Variants in OTOG observed in about 807,000 individuals in gnomAD.
OTOG encodes otogelin.
OTOG carries 296 observed loss-of-function variants against 313.8 expected under a neutral mutation model. That is an observed-to-expected ratio of 0.94 (90% CI 0.86 to 1.04). The LOEUF (loss-of-function observed/expected upper bound fraction) is 1.04. Among genes scored for constraint, OTOG ranks in the 50% least tolerant of loss-of-function variants. OTOG has a pLI of 0.00. For missense variants in OTOG, 3,948 were observed against 3,840.1 expected, an observed-to-expected ratio of 1.03 and a Z score of -0.74; for synonymous variants, 1,533 against 1,554.9, an observed-to-expected ratio of 0.99 and a Z score of 0.33.
At chr11:17,592,730 T>C (rs1357065920) in intron 25 of OTOG, among the ~76,000 whole-genome samples, 1 of 152,226 alleles carries the variant, frequency 6.6e-6, no homozygotes, top group Non-Finnish European at 1.5e-5. Context: ...TCCCCATCGA[T>C]GGACATTTAG....
intron 24 of OTOG, among the ~76,000 whole-genome samples, chr11:17,586,828 G>T (rs906277032): frequency 5.9e-5 from 9 of 152,304 alleles, no homozygotes; most frequent in African/African-American, 1.4e-4. Context: ...ATGCATATTT[G>T]TAACCATGGC....
chr11:17,556,319 C>T (rs574920656), intron 7 of OTOG, among the ~76,000 whole-genome samples: 2 of 152,306 alleles, frequency 1.3e-5, no homozygotes, highest in East Asian at 3.9e-4. Context: ...GCTGGGCCAA[C>T]AGGGATGCTT....
chr11:17,606,998 C>G (rs529788080), intron 33 of OTOG, among the ~76,000 whole-genome samples: 1 of 152,344 alleles, frequency 6.6e-6, no homozygotes, highest in South Asian at 2.1e-4. Context: ...GTGGCATGAG[C>G]CCAGGCTTTG....
chr11:17,607,515 T>C (rs1037429136), intron 33 of OTOG, among the ~76,000 whole-genome samples: 2 of 152,238 alleles, frequency 1.3e-5, no homozygotes, highest in Non-Finnish European at 2.9e-5. Flanking sequence ...GGTTTCCTCT[T>C]CTCTAAAGTG....
At chr11:17,552,152 G>A in intron 4 of OTOG, 77 bp downstream of exon 4, 2 of 1,418,820 alleles carry the variant, frequency 1.4e-6, no homozygotes, top group Non-Finnish European at 9.7e-7. Context: ...GCAGAGGGCA[G>A]GTGGGGCTTC....
Position 17,610,019 on chromosome 11 carries a change from A to T in OTOG, c.4719A>T (p.Ala1573=). 3 of 1,547,238 alleles carry T rather than the reference A, an allele frequency of 1.9e-6. No individual in the cohort carries two copies. The highest frequency in any genetic ancestry group is 2.6e-6 in the Non-Finnish European group (3 of 1,144,648). Residue 1573 remains alanine, a synonymous_variant, in exon 36 of 56, where the codon GCA becomes GCT. Transcript: ENST00000399397. ...CAGAGTCCTCATCCCTCCCTGTTGC[A>T]CTGCAGACACCCACACCTGGCATGG... The part of the protein sequence containing the change: ...HTPESSSLPV[A]LQTPTPGMVS...
chr11:17,618,440 AGACATAATT>A (rs1428909828), intron 39 of OTOG, among the ~76,000 whole-genome samples: 2 of 152,204 alleles, frequency 1.3e-5, no homozygotes, highest in African/African-American at 4.8e-5. Context: ...TGTGTTCATA[AGACATAATT>A]TGTCTAACTT....
intron 20 of OTOG, 95 bp downstream of exon 20, chr11:17,575,007 T>A: frequency 1.6e-6 from 2 of 1,239,530 alleles, no homozygotes; most frequent in East Asian, 2.7e-5. Flanking sequence ...GGGCCTCTTG[T>A]GTCCCTCCTT....
At chr11:17,578,339 C>T in intron 22 of OTOG, 34 bp from the exon 23 acceptor site, 3 of 1,454,346 alleles carry the variant, frequency 2.1e-6, no homozygotes, top group Non-Finnish European at 2.7e-6. Flanking sequence ...TACTGAGGCC[C>T]CAGGGCCTCC....
chr11:17,634,006 T>C, intron 43 of OTOG, 63 bp from the exon 44 acceptor site: 1 of 1,503,230 alleles, frequency 6.7e-7, no homozygotes, highest in South Asian at 1.3e-5. Flanking sequence ...AGGGAGAGTC[T>C]AGCCTGGGAA....
Position 17,593,205 on chromosome 11 carries a change from G to A in OTOG, c.3019G>A (p.Val1007Ile). 1.3e-6 allele frequency: 2 copies of A among 1,550,248 alleles called. No individual in the cohort carries two copies. Among genetic ancestry groups the A allele is most frequent in the Non-Finnish European group, 1.7e-6 (2 of 1,146,676 alleles). Residue 1007 changes from valine (V) to isoleucine (I), a missense_variant, in exon 26 of 56, where the codon GTC (valine) becomes ATC (isoleucine). By Grantham distance (29) the Val-to-Ile change is conservative (BLOSUM62 3). Coordinates refer to ENST00000399397, the MANE Select transcript of OTOG (RefSeq NM_001292063.2). Reference sequence around the variant, plus strand: ...ATTCTCTCCTCAGAGCACATCAGATGTCAGCTTCTCTGTGATTGTAGAGAA... The same window carrying A: ...ATTCTCTCCTCAGAGCACATCAGATATCAGCTTCTCTGTGATTGTAGAGAA... ...KVHLVKSTSD[V>I]SFSVIVENVN...
Position 17,610,529 on chromosome 11 carries a change from C to T in OTOG, c.5229C>T (p.His1743=), listed in dbSNP as rs1264178913. Residue 1743 remains histidine (H), a synonymous_variant, in exon 36 of 56, where the codon CAC becomes CAT. Transcript: ENST00000399397. Reference sequence around the variant, plus strand: ...GCTCGCCTGCCTCCCCACAGCCACACCCACTCCCCTCTGCACCACCCCGCC... The same window carrying T: ...GCTCGCCTGCCTCCCCACAGCCACATCCACTCCCCTCTGCACCACCCCGCC... The part of the protein sequence containing the change: ...PMGSPASPQP[H]PLPSAPPRPA... 6.4e-7 allele frequency: 1 copy of T among 1,550,674 alleles called. No individual in the cohort carries two copies. Among genetic ancestry groups the T allele is most frequent in the Admixed American group, 2.0e-5 (1 of 51,008 alleles).
intron 39 of OTOG, among the ~76,000 whole-genome samples, chr11:17,615,178 T>C (rs968158501): frequency 1.3e-5 from 2 of 152,262 alleles, no homozygotes; most frequent in Admixed American, 1.3e-4. Context: ...GCAAAGTATC[T>C]GTTCAAGTCT....
chr11:17,613,195 T>TTTCTCTTCTTTC, intron 38 of OTOG, among the ~76,000 whole-genome samples: 1 of 65,328 alleles, frequency 1.5e-5, no homozygotes, highest in East Asian at 4.9e-4. Context: ...TCTTTCTTTC[T>TTTCTCTTCTTTC]TTTCTTTCTT....
At chr11:17,620,559 T>A (rs576357382) in intron 39 of OTOG, among the ~76,000 whole-genome samples, 2 of 152,354 alleles carry the variant, frequency 1.3e-5, no homozygotes, top group South Asian at 4.1e-4. Flanking sequence ...AGTTCCACTA[T>A]CTTTTATCTT....
intron 15 of OTOG, among the ~76,000 whole-genome samples, chr11:17,562,977 G>A (rs1224289497): frequency 6.6e-6 from 1 of 152,210 alleles, no homozygotes; most frequent in Non-Finnish European, 1.5e-5. Context: ...GCAGCTGTGA[G>A]AACATGGAGG....
At chr11:17,600,458 G>C (rs1203513156) in intron 31 of OTOG, among the ~76,000 whole-genome samples, 1 of 152,194 alleles carries the variant, frequency 6.6e-6, no homozygotes, top group Non-Finnish European at 1.5e-5. Flanking sequence ...CCAGGAGCAG[G>C]CCTATGTGGG....
intron 38 of OTOG, 64 bp downstream of exon 38, chr11:17,612,829 C>T (rs1051041015): frequency 2.7e-5 from 40 of 1,492,926 alleles, no homozygotes; most frequent in South Asian, 1.7e-4. Context: ...AGAGGGGAGA[C>T]GGAGCAGTGA....
intron 30 of OTOG, among the ~76,000 whole-genome samples, chr11:17,598,084 G>A (rs2134068562): frequency 6.6e-6 from 1 of 152,366 alleles, no homozygotes; most frequent in Middle Eastern, 3.4e-3. Context: ...GCCAAAGGAA[G>A]AAGGTGGAGC....
Sources: allele counts gnomAD v4.1 joint callset (sites outside exome capture counted in the v4.1 genomes callset), GRCh38; gene constraint gnomAD v4.1.1; transcripts MANE v1.5; gene names NCBI Gene and HGNC (gene_info 2026-07-23, HGNC 2026-07-21).